KCTD1: variants seen among roughly 807,000 people sequenced by gnomAD.
The protein encoded by KCTD1 is BTB/POZ domain-containing protein KCTD1.
In KCTD1, 24 loss-of-function variants were observed where a neutral mutation model predicts 66.0. The ratio of observed to expected loss-of-function variants is 0.36; its 90% CI spans 0.26 to 0.51. KCTD1 has a LOEUF of 0.51. KCTD1 is among the 20% of genes least tolerant of loss of function. The pLI is 0.95. For missense variants in KCTD1, 943 were observed against 1,205.2 expected (o/e 0.78, Z 3.22); for synonymous variants, 511 against 517.2 (o/e 0.99, Z 0.16).
upstream of KCTD1, chr18:26,548,882 C>T (rs762813784): frequency 4.0e-5 from 40 of 999,192 alleles, no homozygotes; most frequent in Non-Finnish European, 4.8e-5. Flanking sequence ...CGAAACACTC[C>T]CAACTTACCC....
chr18:26,480,913 T>G (rs1244837038), intron 2 of KCTD1, among the ~76,000 whole-genome samples: 2 of 152,226 alleles, frequency 1.3e-5, no homozygotes, highest in African/African-American at 2.4e-5. Context: ...GTCCACACTG[T>G]GCATTAAAGA....
chr18:26,587,759 C>G (rs553088981), intron 1 of KCTD1, among the ~76,000 whole-genome samples: 1 of 152,134 alleles, frequency 6.6e-6, no homozygotes, highest in African/African-American at 2.4e-5. Context: ...GAAGTAATTG[C>G]AGATGTAGTG....
intron 1 of KCTD1, among the ~76,000 whole-genome samples, chr18:26,588,885 A>T (rs113601282): frequency 0.02 from 2,153 of 110,334 alleles, 34 homozygotes; most frequent in African/African-American, 0.064. Context: ...TAATATATAC[A>T]GTATAGAGCA....
At chr18:26,603,701 C>T (rs1278963240) in intron 1 of KCTD1, among the ~76,000 whole-genome samples, 1 of 151,464 alleles carries the variant, frequency 6.6e-6, no homozygotes, top group Non-Finnish European at 1.5e-5. Context: ...CGAGATTGTG[C>T]CACTGCACTC....
chr18:26,571,551 T>C (rs1411676527), intron 1 of KCTD1, among the ~76,000 whole-genome samples: 1 of 152,236 alleles, frequency 6.6e-6, no homozygotes, highest in African/African-American at 2.4e-5. Context: ...TTACTTATAA[T>C]ACCTAATACA....
chr18:26,649,911 G>C (rs1218756435), intron 1 of KCTD1, among the ~76,000 whole-genome samples: 1 of 152,182 alleles, frequency 6.6e-6, no homozygotes, highest in Non-Finnish European at 1.5e-5. Context: ...CTGCTGGATG[G>C]AATGGGTATC....
chr18:26,499,460 CATTTT>C (rs1237416181), intron 2 of KCTD1, among the ~76,000 whole-genome samples: 1 of 152,166 alleles, frequency 6.6e-6, no homozygotes, highest in Non-Finnish European at 1.5e-5. Flanking sequence ...ACAATCATTT[CATTTT>C]AAAGTATATA....
At chr18:26,627,650 T>G (rs1034093602) in intron 1 of KCTD1, among the ~76,000 whole-genome samples, 1 of 152,184 alleles carries the variant, frequency 6.6e-6, no homozygotes, top group Non-Finnish European at 1.5e-5. Flanking sequence ...TTAAATTAGT[T>G]GTTTGCAGCA....
upstream of KCTD1, among the ~76,000 whole-genome samples, chr18:26,629,914 C>T (rs948822409): frequency 6.6e-6 from 1 of 152,044 alleles, no homozygotes; most frequent in Non-Finnish European, 1.5e-5. Context: ...GACGGGGTTT[C>T]ACCATGTTGA....
Position 26,518,553 on chromosome 18 carries a change from G to C in KCTD1, c.1810-17303C>G, listed in dbSNP as rs185559431. Among the ~76,000 whole-genome samples the C allele has an allele frequency of 1.7e-4, 26 of 151,968 alleles. No individual in the cohort carries two copies. The East Asian group carries it at 3.7e-3, about 22-fold the overall frequency. On this transcript the variant is annotated intron_variant, in intron 1 of 4. Coordinates refer to ENST00000580059, the MANE Select transcript of KCTD1 (RefSeq NM_001142730.3). ...TGCTGGGATTACAGGCGTGAGCCAT[G>C]GCGCCCAGCCAAAGCTATAATTTTT...
intron 1 of KCTD1, among the ~76,000 whole-genome samples, chr18:26,535,957 C>T (rs1408785388): frequency 8.8e-6 from 1 of 113,814 alleles, no homozygotes; most frequent in Non-Finnish European, 1.7e-5. Flanking sequence ...CCCCACAAGA[C>T]TGAGTGATTC....
chr18:26,462,173 T>C (rs1290710615), intron 3 of KCTD1, among the ~76,000 whole-genome samples: 1 of 152,202 alleles, frequency 6.6e-6, no homozygotes, highest in Non-Finnish European at 1.5e-5. Context: ...GCTCACAACA[T>C]AATGTTGCTC....
At chr18:26,539,375 T>C (rs1984864726) in intron 1 of KCTD1, among the ~76,000 whole-genome samples, 1 of 152,222 alleles carries the variant, frequency 6.6e-6, no homozygotes, top group African/African-American at 2.4e-5. Context: ...CCTAGGAGTC[T>C]TTTCAAGCAC....
chr18:26,492,170 A>G (rs928697693), intron 2 of KCTD1, among the ~76,000 whole-genome samples: 3 of 151,946 alleles, frequency 2.0e-5, no homozygotes, highest in African/African-American at 7.3e-5. Context: ...TGAGCCCAGG[A>G]GGTTTATGCT....
At chr18:26,492,729 C>T (rs1982271346) in intron 2 of KCTD1, among the ~76,000 whole-genome samples, 1 of 151,942 alleles carries the variant, frequency 6.6e-6, no homozygotes, top group Admixed American at 6.6e-5. Context: ...TGGCTCTTAC[C>T]CCATTTCCCA....
Position 26,548,105 on chromosome 18 carries a change from G to C in KCTD1, c.432C>G (p.Ala144=). ...EAPPRLLAPR[A]RGGPPGDGSE... is the part of the protein sequence containing the mutation. ...AGCCGTCCCCGGGCGGCCCACCGCG[G>C]GCCCGGGGCGCCAGCAGTCGCGGCG... Residue 144 remains alanine, a synonymous_variant, in exon 1 of 5, where the codon GCC becomes GCG. Coordinates refer to ENST00000580059, the MANE Select transcript of KCTD1 (RefSeq NM_001142730.3). 1 of 1,310,892 alleles carries C rather than the reference G, an allele frequency of 7.6e-7. No individual in the cohort carries two copies. Among genetic ancestry groups the C allele is most frequent in the East Asian group, 3.1e-5 (1 of 32,338 alleles). 81.2% of individuals were successfully genotyped at this position (1,310,892 alleles called of 1,614,324 possible).
intron 1 of KCTD1, among the ~76,000 whole-genome samples, chr18:26,587,168 T>C (rs998590523): frequency 2.6e-5 from 4 of 152,208 alleles, no homozygotes; most frequent in Non-Finnish European, 5.9e-5. Context: ...TGACTTTAAG[T>C]GGAAGCCAGT....
chr18:26,550,710 AC>A (rs1341723453), upstream of KCTD1, among the ~76,000 whole-genome samples: 1 of 151,830 alleles, frequency 6.6e-6, no homozygotes, highest in Non-Finnish European at 1.5e-5. The surrounding 1 kb of genome is among the most constrained non-coding windows in gnomAD (Gnocchi z 5.4). Flanking sequence ...TGCCCGCCGC[AC>A]CCGCCCTGGA....
intron 1 of KCTD1, among the ~76,000 whole-genome samples, chr18:26,613,150 G>T (rs1987173548): frequency 1.3e-5 from 2 of 152,096 alleles, no homozygotes; most frequent in African/African-American, 2.4e-5. Context: ...TGTATTTTTG[G>T]TTTTTCGGAC....
Sources: allele counts gnomAD v4.1 joint callset (sites outside exome capture counted in the v4.1 genomes callset), GRCh38; gene constraint gnomAD v4.1.1; non-coding constraint Gnocchi (gnomAD v3.1); transcripts MANE v1.5; gene names NCBI Gene and HGNC (gene_info 2026-07-23, HGNC 2026-07-21).